KCTD16: variants seen among roughly 807,000 people sequenced by gnomAD.
KCTD16 encodes potassium channel tetramerization domain containing 16.
A neutral mutation model predicts 33.2 loss-of-function variants in KCTD16; 13 were observed. The observed-to-expected ratio is 0.39, with a 90% CI of 0.25 to 0.62. The LOEUF is 0.62. Ranked by LOEUF, KCTD16 falls within the 20% of genes least tolerant of loss-of-function variation. The probability of loss-of-function intolerance (pLI) is 0.50; values close to 1 mark genes in which losing one functional copy is unlikely to be tolerated. For synonymous variants in KCTD16, 197 were observed against 195.3 expected (o/e 1.01, Z -0.07); for missense variants, 441 against 525.1 (o/e 0.84, Z 1.57).
chr5:144,316,814 T>C (rs1392228450), intron 3 of KCTD16, among the ~76,000 whole-genome samples: 1 of 147,498 alleles, frequency 6.8e-6, no homozygotes, highest in Non-Finnish European at 1.5e-5. Flanking sequence ...CACCTGGCCC[T>C]GGCCAGCATC....
chr5:144,469,441 T>C (rs1160560658), intron 3 of KCTD16, among the ~76,000 whole-genome samples: 1 of 152,214 alleles, frequency 6.6e-6, no homozygotes, highest in Non-Finnish European at 1.5e-5. Context: ...CTGTGTAGTG[T>C]ATTGATGGAA....
chr5:144,362,861 A>G lies in KCTD16; in HGVS notation c.833-110799A>G, dbSNP rs75158914. 4.6e-3 allele frequency among the ~76,000 whole-genome samples: 694 copies of G among 152,316 alleles called. 8 individuals are homozygous for G. The highest frequency in any genetic ancestry group is 0.016 in the African/African-American group (671 of 41,568). On this transcript the variant is annotated intron_variant, in intron 3 of 3. Coordinates refer to ENST00000512467, the MANE Select transcript of KCTD16 (RefSeq NM_020768.4). Reference sequence around the variant, plus strand: ...CCTCAGCTTCCTTATCAGTGTAATGAGAATAATAATACACACCACGGAGAG... The same window carrying G: ...CCTCAGCTTCCTTATCAGTGTAATGGGAATAATAATACACACCACGGAGAG...
chr5:144,435,591 A>G (rs1753557350), intron 3 of KCTD16, among the ~76,000 whole-genome samples: 1 of 152,230 alleles, frequency 6.6e-6, no homozygotes, highest in Non-Finnish European at 1.5e-5. Flanking sequence ...ATTCTTGCAC[A>G]TATACTATTC....
At chr5:144,319,379 A>T (rs945394523) in intron 3 of KCTD16, among the ~76,000 whole-genome samples, 4 of 152,216 alleles carry the variant, frequency 2.6e-5, no homozygotes, top group African/African-American at 9.6e-5. Context: ...ACTTCTATGC[A>T]TCTCAAATAT....
intron 3 of KCTD16, among the ~76,000 whole-genome samples, chr5:144,349,779 C>G (rs902326269): frequency 1.3e-5 from 2 of 152,166 alleles, no homozygotes; most frequent in African/African-American, 4.8e-5. Context: ...GAGCCACTAC[C>G]TTTCCCCATC....
At chr5:144,449,059 GTTC>G (rs769329954) in intron 3 of KCTD16, among the ~76,000 whole-genome samples, 3 of 151,974 alleles carry the variant, frequency 2.0e-5, no homozygotes, top group African/African-American at 4.8e-5. Context: ...GATTTTCAGT[GTTC>G]TTCTCTGACT....
intron 3 of KCTD16, among the ~76,000 whole-genome samples, chr5:144,453,096 G>T (rs1422010): frequency 1.3e-5 from 2 of 152,118 alleles, no homozygotes; most frequent in African/African-American, 2.4e-5. Context: ...ACATCTTGGG[G>T]CATGGTTAGG....
At chr5:144,272,015 T>G (rs1173741118) in intron 3 of KCTD16, among the ~76,000 whole-genome samples, 2 of 152,070 alleles carry the variant, frequency 1.3e-5, no homozygotes, top group Admixed American at 1.3e-4. Context: ...TAAAGAAGAC[T>G]AAAATAAATG....
intron 3 of KCTD16, among the ~76,000 whole-genome samples, chr5:144,344,585 C>T (rs1038826045): frequency 2.0e-5 from 3 of 151,130 alleles, no homozygotes; most frequent in African/African-American, 7.3e-5. Flanking sequence ...ATTTATGCAG[C>T]CAAAAAACAC....
intron 3 of KCTD16, among the ~76,000 whole-genome samples, chr5:144,229,894 C>T (rs557850327): frequency 1.3e-5 from 2 of 152,312 alleles, no homozygotes; most frequent in Non-Finnish European, 2.9e-5. Flanking sequence ...GTAATCCCAG[C>T]ACTTTGGGAG....
chr5:144,429,186 A>T (rs958584763), intron 3 of KCTD16, among the ~76,000 whole-genome samples: 1 of 152,118 alleles, frequency 6.6e-6, no homozygotes, highest in African/African-American at 2.4e-5. Context: ...GTAAATCTTT[A>T]TCAAGCACTG....
At chr5:144,398,962 G>T (rs573823332) in intron 3 of KCTD16, among the ~76,000 whole-genome samples, 1 of 152,186 alleles carries the variant, frequency 6.6e-6, no homozygotes, top group Non-Finnish European at 1.5e-5. Context: ...ATTCTCAGTT[G>T]GTTCCTGTGA....
intron 3 of KCTD16, among the ~76,000 whole-genome samples, chr5:144,317,812 G>T (rs1005226992): frequency 7.9e-5 from 12 of 152,226 alleles, no homozygotes; most frequent in South Asian, 4.1e-4. Context: ...CATGTACGTT[G>T]TATTTCTATC....
intron 3 of KCTD16, among the ~76,000 whole-genome samples, chr5:144,392,916 G>C (rs1035546827): frequency 5.3e-5 from 8 of 152,068 alleles, no homozygotes; most frequent in Non-Finnish European, 1.0e-4. Context: ...CATAAGAAGG[G>C]AGTACACCTT....
At chr5:144,244,856 T>G (rs1217444448) in intron 3 of KCTD16, among the ~76,000 whole-genome samples, 1 of 152,176 alleles carries the variant, frequency 6.6e-6, no homozygotes, top group East Asian at 1.9e-4. Flanking sequence ...CCTAGGATGG[T>G]TTTGAGAATC....
At chr5:144,368,309 A>G (rs1469928644) in intron 3 of KCTD16, among the ~76,000 whole-genome samples, 1 of 152,168 alleles carries the variant, frequency 6.6e-6, no homozygotes, top group Non-Finnish European at 1.5e-5. Flanking sequence ...TAGGCCCAGC[A>G]TAATTACATA....
intron 3 of KCTD16, among the ~76,000 whole-genome samples, chr5:144,337,072 T>C (rs1415990654): frequency 6.6e-6 from 1 of 151,856 alleles, no homozygotes; most frequent in Non-Finnish European, 1.5e-5. Flanking sequence ...TCCTTATAAT[T>C]ACTGTCCTAG....
chr5:144,262,622 CA>C (rs1755043808), intron 3 of KCTD16, among the ~76,000 whole-genome samples: 1 of 152,206 alleles, frequency 6.6e-6, no homozygotes, highest in Non-Finnish European at 1.5e-5. Context: ...ATCCTTTCCA[CA>C]CCAGTTCTTT....
intron 3 of KCTD16, among the ~76,000 whole-genome samples, chr5:144,363,996 T>C (rs895955722): frequency 1.3e-5 from 2 of 152,224 alleles, no homozygotes; most frequent in East Asian, 1.9e-4. Flanking sequence ...TTCAGTTTTT[T>C]TTGTGTAATT....
Sources: gnomAD v4.1 joint callset for allele counts (sites outside exome capture counted in the v4.1 genomes callset) on GRCh38, gnomAD v4.1.1 for gene constraint, MANE v1.5 for transcripts, NCBI Gene and HGNC (gene_info 2026-07-23, HGNC 2026-07-21) for gene names.